Variants in PXDNL observed in about 807,000 individuals in gnomAD.
The protein encoded by PXDNL is probable oxidoreductase PXDNL.
In PXDNL, 145 loss-of-function variants were observed where a neutral mutation model predicts 150.8. The observed-to-expected ratio is 0.96, with a 90% CI of 0.84 to 1.10. The LOEUF (loss-of-function observed/expected upper bound fraction) is 1.10, where lower values mean the gene tolerates loss of function less well. Ranked by LOEUF, PXDNL falls within the 50% of genes least tolerant of loss-of-function variation. The pLI is 0.00. For synonymous variants in PXDNL, 757 were observed against 725.7 expected (o/e 1.04, Z -0.69); for missense variants, 2,087 against 1,873.9 (o/e 1.11, Z -2.10).
At chr8:51,363,435 G>C (rs1331546752) in intron 19 of PXDNL, among the ~76,000 whole-genome samples, 2 of 152,160 alleles carry the variant, frequency 1.3e-5, no homozygotes, top group African/African-American at 4.8e-5. Flanking sequence ...AGCAATTCCT[G>C]TCTCTCTTAA....
At chr8:51,357,325 C>T (rs1560508) in intron 19 of PXDNL, among the ~76,000 whole-genome samples, 111,511 of 152,106 alleles carry the variant, frequency 0.73, 41,426 homozygotes, top group East Asian at 0.94. Flanking sequence ...AACTCCTGGA[C>T]TGCCTCGCCT....
At chr8:51,670,695 G>A (rs1269227790) in intron 1 of PXDNL, among the ~76,000 whole-genome samples, 6 of 151,948 alleles carry the variant, frequency 3.9e-5, no homozygotes, top group Non-Finnish European at 7.4e-5. Flanking sequence ...CTGATAAAAT[G>A]TGATGCAGTA....
chr8:51,366,161 G>T (rs1302781159), intron 19 of PXDNL, among the ~76,000 whole-genome samples: 1 of 152,204 alleles, frequency 6.6e-6, no homozygotes. Context: ...GCCCAAAGCT[G>T]CCTCCTTACA....
chr8:51,636,463 A>C (rs1814604967), intron 2 of PXDNL, among the ~76,000 whole-genome samples: 1 of 152,204 alleles, frequency 6.6e-6, no homozygotes, highest in South Asian at 2.1e-4. Flanking sequence ...ATTTCAGAAA[A>C]TAACTACTAT....
At chr8:51,678,102 TG>T (rs1421518294) in intron 1 of PXDNL, among the ~76,000 whole-genome samples, 1 of 152,230 alleles carries the variant, frequency 6.6e-6, no homozygotes, top group African/African-American at 2.4e-5. Context: ...AGGATATCTT[TG>T]GATCTCCATT....
chr8:51,469,347 C>T (rs183826590), intron 8 of PXDNL, among the ~76,000 whole-genome samples: 34 of 152,126 alleles, frequency 2.2e-4, no homozygotes, highest in African/African-American at 8.2e-4. Context: ...ATATAATTCT[C>T]ATTCTGAAAT....
At chr8:51,399,811 T>C (rs763554728) in intron 17 of PXDNL, among the ~76,000 whole-genome samples, 4 of 152,222 alleles carry the variant, frequency 2.6e-5, no homozygotes, top group Non-Finnish European at 5.9e-5. Flanking sequence ...TTAAATTGCA[T>C]TCAGATGTAT....
intron 1 of PXDNL, among the ~76,000 whole-genome samples, chr8:51,675,792 CAAAAAA>C (rs71550280): frequency 1.1e-5 from 1 of 93,256 alleles, no homozygotes; most frequent in South Asian, 4.3e-4. Context: ...GGCTCCGTCT[CAAAAAA>C]AAAAAAAAAA....
chr8:51,405,056 G>A (rs1285162006), intron 17 of PXDNL, among the ~76,000 whole-genome samples: 1 of 152,154 alleles, frequency 6.6e-6, no homozygotes, highest in Non-Finnish European at 1.5e-5. Flanking sequence ...CGGGTGCTAA[G>A]CCCCTCACTG....
At chr8:51,530,720 C>T (rs1811881355) in intron 4 of PXDNL, among the ~76,000 whole-genome samples, 1 of 152,058 alleles carries the variant, frequency 6.6e-6, no homozygotes, top group African/African-American at 2.4e-5. Context: ...TCCTGAGGCT[C>T]CTTCGCTCCC....
intron 19 of PXDNL, among the ~76,000 whole-genome samples, chr8:51,350,727 C>T (rs897091655): frequency 6.6e-6 from 1 of 152,130 alleles, no homozygotes; most frequent in Admixed American, 6.5e-5. Flanking sequence ...GAGCAGGAAC[C>T]GCCATGTTGG....
chr8:51,427,173 A>C (rs904570090), intron 12 of PXDNL, among the ~76,000 whole-genome samples: 4 of 152,184 alleles, frequency 2.6e-5, no homozygotes, highest in Non-Finnish European at 4.4e-5. Context: ...AAAAACACAA[A>C]CTACCATAAC....
intron 4 of PXDNL, among the ~76,000 whole-genome samples, chr8:51,533,755 G>A (rs1585556661): frequency 6.6e-6 from 1 of 151,016 alleles, no homozygotes; most frequent in African/African-American, 2.4e-5. Context: ...CCGAGGTGCC[G>A]GGATTGCAGA....
At chr8:51,372,136 G>C in intron 18 of PXDNL, 55 bp from the exon 19 acceptor site, 1 of 1,343,308 alleles carries the variant, frequency 7.4e-7, no homozygotes, top group Non-Finnish European at 1.0e-6. Flanking sequence ...TGAGAACTCA[G>C]CTGCATGTCA....
chr8:51,612,420 C>T (rs538952127), intron 2 of PXDNL, among the ~76,000 whole-genome samples: 6 of 152,278 alleles, frequency 3.9e-5, no homozygotes, highest in East Asian at 1.9e-4. Context: ...TCTCTCTCCA[C>T]GCAACTCTCT....
At chr8:51,537,484 C>G (rs938256096) in intron 4 of PXDNL, among the ~76,000 whole-genome samples, 7 of 152,192 alleles carry the variant, frequency 4.6e-5, no homozygotes, top group Non-Finnish European at 8.8e-5. Context: ...ATTTTAAAAA[C>G]TGCACTGCTT....
intron 17 of PXDNL, among the ~76,000 whole-genome samples, chr8:51,404,609 T>G (rs1808382311): frequency 6.6e-6 from 1 of 151,696 alleles, no homozygotes; most frequent in Non-Finnish European, 1.5e-5. Flanking sequence ...ATTGGTGCAT[T>G]CACAAACCTT....
chr8:51,375,047 G>A (rs1428969051), intron 17 of PXDNL, among the ~76,000 whole-genome samples: 1 of 151,960 alleles, frequency 6.6e-6, no homozygotes, highest in African/African-American at 2.4e-5. Flanking sequence ...ATATGCAAGT[G>A]TGTGTGTGTT....
intron 4 of PXDNL, among the ~76,000 whole-genome samples, chr8:51,507,820 C>T (rs1811325100): frequency 6.6e-6 from 1 of 152,158 alleles, no homozygotes; most frequent in Non-Finnish European, 1.5e-5. Context: ...GCTCAACGTC[C>T]TATCCTACAT....
Sources: allele counts gnomAD v4.1 joint callset (sites outside exome capture counted in the v4.1 genomes callset), GRCh38; gene constraint gnomAD v4.1.1; transcripts MANE v1.5; gene names NCBI Gene and HGNC (gene_info 2026-07-23, HGNC 2026-07-21).